RESF1: variants seen among roughly 807,000 people sequenced by gnomAD.
The protein encoded by RESF1 is retroelement silencing factor 1, also known as gonad expressed transcript.
RESF1 carries 65 observed loss-of-function variants against 134.7 expected under a neutral mutation model. The ratio of observed to expected loss-of-function variants is 0.48; its 90% CI spans 0.40 to 0.59. RESF1 has a LOEUF of 0.59. Among genes scored for constraint, RESF1 ranks in the 20% least tolerant of loss-of-function variants. RESF1 has a pLI of 0.00. For missense variants in RESF1, 2,274 were observed against 2,002.7 expected (o/e 1.14, Z -2.59); for synonymous variants, 762 against 702.2 (o/e 1.09, Z -1.35).
At chr12:31,962,819 C>T (rs1421941618) in intron 2 of RESF1, among the ~76,000 whole-genome samples, 2 of 152,304 alleles carry the variant, frequency 1.3e-5, no homozygotes, top group African/African-American at 2.4e-5. Flanking sequence ...GGATCAGGGT[C>T]GGGTGCGGTG....
At chr12:31,972,401 T>C (rs1415541219) in intron 3 of RESF1, among the ~76,000 whole-genome samples, 1 of 151,766 alleles carries the variant, frequency 6.6e-6, no homozygotes, top group Admixed American at 6.6e-5. Context: ...GGTCAGGAGA[T>C]CGAGACCATC....
In RESF1 at chr12:31,959,448, C is replaced by A. The variant is rs1009389593; in HGVS notation, c.-385C>A. The A allele has an allele frequency of 2.6e-5, 4 of 152,404 alleles. No homozygotes were observed. In the East Asian group the frequency reaches 7.7e-4, roughly 29 times the overall value. The allele number at this position is 152,404 out of a possible 1,614,324, so 9.4% of individuals were successfully genotyped here. The stretch of plus-strand genomic sequence containing the variant: ...TAAACTCTGGGGCCCGGGAGGCCGC[C>A]GGTTTTCTCCCCGCTTGCCGGGGTG... On this transcript the variant is annotated 5_prime_UTR_variant, in exon 1 of 6. Coordinates refer to ENST00000312561, the MANE Select transcript of RESF1 (RefSeq NM_018169.4).
chr12:31,992,865 C>CAACAGG lies in RESF1; in HGVS notation c.*330_*331insAACAGG, dbSNP rs1940126407. The CAACAGG allele has an allele frequency of 3.8e-6, 1 of 262,512 alleles. No homozygotes were observed. Among genetic ancestry groups the CAACAGG allele is most frequent in the African/African-American group, 2.3e-5 (1 of 43,288 alleles). The allele number at this position is 262,512 out of a possible 1,614,324, so 16.3% of individuals were successfully genotyped here. ...GGGAGGACCGTTCCTCAGTTAAGGA[C>CAACAGG]TTGTTTATTTAAATGGGACTGTAAA... On this transcript the variant is annotated 3_prime_UTR_variant, in exon 6 of 6. Transcript: ENST00000312561.
chr12:31,983,975 C>G lies in RESF1; in HGVS notation c.3020C>G (p.Ala1007Gly). The G allele has an allele frequency of 1.2e-6, 2 of 1,613,682 alleles. No individual in the cohort carries two copies. Among genetic ancestry groups the G allele is most frequent in the Admixed American group, 1.7e-5 (1 of 59,914 alleles). ...GAGCATGCCACTGAAAAAAGCACAG[C>G]TAACGATACGTGCTCGTCAGCTGCT... ...SLEHATEKST[A>G]NDTCSSAAIQ... The change falls in exon 4 of 6, where the codon GCT becomes GGT. Residue 1007 changes from alanine to glycine, a missense_variant. Transcript: ENST00000312561.
chr12:31,977,642 T>C (rs1307604118), intron 3 of RESF1, among the ~76,000 whole-genome samples: 1 of 152,170 alleles, frequency 6.6e-6, no homozygotes, highest in African/African-American at 2.4e-5. Flanking sequence ...TTCCTAACTT[T>C]GTCATAAAAC....
At chr12:31,964,311 A>G (rs1939349146) in intron 2 of RESF1, among the ~76,000 whole-genome samples, 2 of 151,608 alleles carry the variant, frequency 1.3e-5, no homozygotes, top group Admixed American at 6.6e-5. Flanking sequence ...TTGCCTGCTT[A>G]TAGGCCCCAG....
At chr12:31,964,523 G>C (rs377279716) in intron 2 of RESF1, among the ~76,000 whole-genome samples, 8 of 152,058 alleles carry the variant, frequency 5.3e-5, no homozygotes, top group Non-Finnish European at 8.8e-5. Context: ...TTCTTTATGC[G>C]GTTTACCGTT....
chr12:31,962,726 T>G (rs1203619541), intron 2 of RESF1, among the ~76,000 whole-genome samples: 1 of 152,210 alleles, frequency 6.6e-6, no homozygotes, highest in Non-Finnish European at 1.5e-5. Context: ...CAGTGAAGTT[T>G]TAAGAAACAG....
At chr12:31,962,640 T>A (rs781692769) in intron 2 of RESF1, 2 of 152,254 alleles carry the variant, frequency 1.3e-5, no homozygotes, top group African/African-American at 4.8e-5. Context: ...ATTCTCTTGA[T>A]GTATCAAATT....
chr12:31,976,558 C>T (rs1164037181), intron 3 of RESF1, among the ~76,000 whole-genome samples: 1 of 152,028 alleles, frequency 6.6e-6, no homozygotes, highest in Non-Finnish European at 1.5e-5. Context: ...TGGTGGGACC[C>T]TGTAATCCCT....
At chr12:31,991,349 G>A (rs187494932) in intron 5 of RESF1, among the ~76,000 whole-genome samples, 72 of 152,302 alleles carry the variant, frequency 4.7e-4, no homozygotes, top group Non-Finnish European at 8.2e-4. Flanking sequence ...GGGCTTCAGT[G>A]TTACTAATTC....
In RESF1 at chr12:31,991,500, G is replaced by A. The variant is rs192800430; in HGVS notation, c.5087-878G>A. ...AAAATAGCTGCAGCAGGAATGAAAT[G>A]TACAGATAGTCCCTGACTTGGCAGT... On this transcript the variant is annotated intron_variant, in intron 5 of 5. Coordinates refer to ENST00000312561, the MANE Select transcript of RESF1 (RefSeq NM_018169.4). 1.1e-4 allele frequency among the ~76,000 whole-genome samples: 17 copies of A among 152,236 alleles called. 1 individual carries two copies. The highest frequency in any genetic ancestry group is 4.6e-4 in the Admixed American group (7 of 15,288).
At chr12:31,970,703 C>T (rs1939487033) in intron 3 of RESF1, among the ~76,000 whole-genome samples, 1 of 152,352 alleles carries the variant, frequency 6.6e-6, no homozygotes, top group South Asian at 2.1e-4. Context: ...TAACCTAACA[C>T]TCAAAAGGGT....
At chr12:31,991,424 C>T (rs1251253793) in intron 5 of RESF1, among the ~76,000 whole-genome samples, 3 of 152,158 alleles carry the variant, frequency 2.0e-5, no homozygotes, top group Non-Finnish European at 2.9e-5. Context: ...GGACAGAATA[C>T]TCCACCCATT....
intron 3 of RESF1, among the ~76,000 whole-genome samples, chr12:31,972,329 G>A (rs1269989967): frequency 2.0e-5 from 3 of 151,908 alleles, no homozygotes; most frequent in East Asian, 3.9e-4. Flanking sequence ...AGTCTCGGCT[G>A]GGCGCAGTGG....
intron 1 of RESF1, among the ~76,000 whole-genome samples, chr12:31,960,247 A>T (rs1939230333): frequency 6.6e-6 from 1 of 152,132 alleles, no homozygotes; most frequent in African/African-American, 2.4e-5. Flanking sequence ...TTTCCGTGAA[A>T]ACAATTTATT....
In RESF1 at chr12:31,980,976, A is replaced by G. The variant is rs1450499007; in HGVS notation, c.21A>G (p.Pro7=). The change falls in exon 4 of 6, where the codon CCA becomes CCG. Residue 7 remains proline, a synonymous_variant. Coordinates refer to ENST00000312561, the MANE Select transcript of RESF1 (RefSeq NM_018169.4). Reference sequence around the variant, plus strand: ...CGACAATGAATTGGAATGAAAAACCAAAGAGTGCTACATTACCACCACTGT... The same window carrying G: ...CGACAATGAATTGGAATGAAAAACCGAAGAGTGCTACATTACCACCACTGT... MNWNEK[P]KSATLPPLYP... The G allele has an allele frequency of 3.7e-6, 6 of 1,604,696 alleles. No homozygotes were observed. Among genetic ancestry groups the G allele is most frequent in the Non-Finnish European group, 5.1e-6 (6 of 1,175,786 alleles).
At chr12:31,988,844 C>G (rs796687290) in intron 5 of RESF1, among the ~76,000 whole-genome samples, 4 of 151,994 alleles carry the variant, frequency 2.6e-5, no homozygotes, top group Admixed American at 1.3e-4. Context: ...AGCACACTAC[C>G]ACGCCTGGCT....
chr12:31,987,175 T>A, intron 4 of RESF1, 64 bp from the exon 5 acceptor site: 1 of 872,004 alleles, frequency 1.1e-6, no homozygotes, highest in Non-Finnish European at 1.8e-6. Context: ...TGATTTTCCT[T>A]TGTTATAGTA....
Sources: allele counts gnomAD v4.1 joint callset (sites outside exome capture counted in the v4.1 genomes callset), GRCh38; gene constraint gnomAD v4.1.1; transcripts MANE v1.5; gene names NCBI Gene and HGNC (gene_info 2026-07-23, HGNC 2026-07-21).